The following MAPKAP1 variants were observed in gnomAD, a reference collection of about 807,000 sequenced individuals.
The protein encoded by MAPKAP1 is MAPK associated protein 1.
Under a neutral mutation model 65.7 loss-of-function variants are expected in MAPKAP1, and 20 were observed. The observed-to-expected ratio is 0.30, with a 90% CI of 0.21 to 0.44. The LOEUF (loss-of-function observed/expected upper bound fraction) is 0.44. MAPKAP1 is among the 20% of genes least tolerant of loss of function. The pLI is 1.00. For synonymous variants in MAPKAP1, 222 were observed against 244.3 expected (o/e 0.91, Z 0.85); for missense variants, 423 against 648.0 (o/e 0.65, Z 3.77).
intron 9 of MAPKAP1, among the ~76,000 whole-genome samples, chr9:125,478,726 G>C (rs1854197583): frequency 6.6e-6 from 1 of 152,138 alleles, no homozygotes; most frequent in African/African-American, 2.4e-5. Context: ...AATTCTGCTG[G>C]AAGTCTCCGT....
chr9:125,459,649 C>T (rs944003978), intron 10 of MAPKAP1, among the ~76,000 whole-genome samples: 8 of 152,262 alleles, frequency 5.3e-5, no homozygotes, highest in Non-Finnish European at 1.0e-4. Context: ...CCCGTCTCCA[C>T]GAAAAAAATA....
intron 6 of MAPKAP1, 177 bp downstream of exon 6, chr9:125,559,456 G>A (rs1830828612): frequency 1.7e-6 from 1 of 575,234 alleles, no homozygotes. Context: ...CCTAGGTGCA[G>A]AGGCATGAAA....
At chr9:125,565,052 CA>C (rs1474800212) in intron 5 of MAPKAP1, among the ~76,000 whole-genome samples, 1 of 151,972 alleles carries the variant, frequency 6.6e-6, no homozygotes, top group Non-Finnish European at 1.5e-5. Context: ...AGCCTGCTGC[CA>C]AAAGAGAGGT....
chr9:125,610,894 T>G (rs1050561030), intron 4 of MAPKAP1, among the ~76,000 whole-genome samples: 1 of 152,138 alleles, frequency 6.6e-6, no homozygotes, highest in Non-Finnish European at 1.5e-5. Context: ...AAGAAATAAT[T>G]TGTTCTATCT....
chr9:125,449,439 C>T (rs1366843626), intron 10 of MAPKAP1, among the ~76,000 whole-genome samples: 2 of 152,086 alleles, frequency 1.3e-5, no homozygotes, highest in Non-Finnish European at 2.9e-5. Flanking sequence ...AGCAGATTTG[C>T]TTTTATAGTG....
rs146058729 is a variant in MAPKAP1 at position 125,510,167 on chromosome 9, A to G, written c.959-3750T>C. ...GGTGAAGTAACTTGCCCAAGATCACAAAGGTAAAAAGTAGGAAGGGGGAAA... is the reference window on the plus strand; with the variant it reads ...GGTGAAGTAACTTGCCCAAGATCACGAAGGTAAAAAGTAGGAAGGGGGAAA... On this transcript the variant is annotated intron_variant, in intron 7 of 11. Coordinates refer to ENST00000265960, the MANE Select transcript of MAPKAP1 (RefSeq NM_001006617.3). 2.2e-3 allele frequency among the ~76,000 whole-genome samples: 336 copies of G among 152,286 alleles called. 7 individuals carry two copies. In the East Asian group the frequency reaches 0.054, roughly 24 times the overall value.
intron 4 of MAPKAP1, among the ~76,000 whole-genome samples, chr9:125,643,169 G>GGA (rs2131717041): frequency 6.7e-6 from 1 of 149,012 alleles, no homozygotes; most frequent in South Asian, 2.1e-4. Context: ...CAAAGTGCTG[G>GGA]GATTACTGAC....
intron 10 of MAPKAP1, among the ~76,000 whole-genome samples, chr9:125,466,342 G>C (rs1327312046): frequency 6.6e-6 from 1 of 152,102 alleles, no homozygotes; most frequent in Non-Finnish European, 1.5e-5. Flanking sequence ...AAAAAGCACT[G>C]CCATAGGGGA....
Position 125,690,276 on chromosome 9 carries a change from T to G in MAPKAP1, c.-70+16695A>C, listed in dbSNP as rs570294727. On this transcript the variant is annotated intron_variant, in intron 1 of 11. Transcript: ENST00000265960. ...ACCATCTATAATCCTGGCTCCCTGA[T>G]CAGAAACTTCAGAAGTTTCAGAAAT... Among the ~76,000 whole-genome samples, 33 of 152,324 alleles carry G rather than the reference T, an allele frequency of 2.2e-4. No individual in the cohort carries two copies. In the East Asian group the frequency reaches 6.0e-3, roughly 28 times the overall value.
Position 125,437,592 on chromosome 9 carries a change from C to T in MAPKAP1, c.*1295G>A, listed in dbSNP as rs1403641199. On this transcript the variant is annotated 3_prime_UTR_variant, in exon 12 of 12. Transcript: ENST00000265960. ...GAATGGAAGACATTAGAAAAGGACG[C>T]TCCTGTTGGCTGAACAAAGATCAGA... 1 of 152,582 alleles carries T rather than the reference C, an allele frequency of 6.6e-6. No individual in the cohort carries two copies. The highest frequency in any genetic ancestry group is 1.5e-5 in the Non-Finnish European group (1 of 68,032). 9.5% of individuals were successfully genotyped at this position (152,582 alleles called of 1,614,324 possible).
intron 4 of MAPKAP1, among the ~76,000 whole-genome samples, chr9:125,645,524 C>T (rs960981230): frequency 3.9e-5 from 6 of 152,016 alleles, no homozygotes; most frequent in African/African-American, 1.4e-4. Context: ...ATCACCTGAG[C>T]TCAGGAGTTC....
intron 6 of MAPKAP1, among the ~76,000 whole-genome samples, chr9:125,550,835 C>T (rs964391439): frequency 6.6e-6 from 1 of 152,216 alleles, no homozygotes; most frequent in South Asian, 2.1e-4. Flanking sequence ...AAACAACACA[C>T]AGTTGGTCCT....
intron 5 of MAPKAP1, among the ~76,000 whole-genome samples, chr9:125,562,172 C>T (rs1271922148): frequency 2.0e-5 from 3 of 152,210 alleles, no homozygotes; most frequent in Non-Finnish European, 2.9e-5. Context: ...ACAATGATAT[C>T]AGAAGAATTC....
intron 4 of MAPKAP1, among the ~76,000 whole-genome samples, chr9:125,632,010 A>C (rs556715409): frequency 6.6e-6 from 1 of 152,258 alleles, no homozygotes; most frequent in African/African-American, 2.4e-5. Context: ...CCTTGAGGTA[A>C]GGAGTTCAAG....
At chr9:125,670,217 A>G (rs1834456433) in intron 2 of MAPKAP1, among the ~76,000 whole-genome samples, 1 of 152,190 alleles carries the variant, frequency 6.6e-6, no homozygotes, top group Non-Finnish European at 1.5e-5. Flanking sequence ...TAAATCATTA[A>G]TAACGGTCTT....
chr9:125,480,777 C>T (rs1854279293), intron 9 of MAPKAP1, among the ~76,000 whole-genome samples: 1 of 151,500 alleles, frequency 6.6e-6, no homozygotes, highest in East Asian at 1.9e-4. Flanking sequence ...TCGAGACCAT[C>T]CTGGCTAACA....
At chr9:125,448,579 C>T (rs1034785844) in intron 10 of MAPKAP1, among the ~76,000 whole-genome samples, 9 of 152,138 alleles carry the variant, frequency 5.9e-5, no homozygotes, top group African/African-American at 1.2e-4. Context: ...CTCCCTGGGG[C>T]GTTAGAGGGA....
intron 6 of MAPKAP1, among the ~76,000 whole-genome samples, chr9:125,549,312 C>T (rs1037332273): frequency 2.6e-5 from 4 of 152,250 alleles, no homozygotes; most frequent in Admixed American, 2.6e-4. Context: ...TGAAGACACA[C>T]TCTAGTTCCC....
At chr9:125,695,776 TG>T (rs1267439262) in intron 1 of MAPKAP1, among the ~76,000 whole-genome samples, 2 of 152,048 alleles carry the variant, frequency 1.3e-5, no homozygotes, top group African/African-American at 4.8e-5. Context: ...TTGCCCAGCC[TG>T]GAATGCAATG....
Sources: gnomAD v4.1 joint callset for allele counts (sites outside exome capture counted in the v4.1 genomes callset) on GRCh38, gnomAD v4.1.1 for gene constraint, MANE v1.5 for transcripts, NCBI Gene and HGNC (gene_info 2026-07-23, HGNC 2026-07-21) for gene names.